The following TACC2 variants were observed in gnomAD, a reference collection of about 807,000 sequenced individuals.
TACC2 encodes the protein transforming acidic coiled-coil containing protein 2.
In TACC2, 137 loss-of-function variants were observed where a neutral mutation model predicts 227.3. The ratio of observed to expected loss-of-function variants is 0.60; its 90% CI spans 0.52 to 0.69. The LOEUF (loss-of-function observed/expected upper bound fraction) is 0.69, where lower values mean the gene tolerates loss of function less well. TACC2 is among the 30% of genes least tolerant of loss of function. TACC2 has a pLI of 0.00. For synonymous variants in TACC2, 1,523 were observed against 1,487.5 expected, an observed-to-expected ratio of 1.02 and a Z score of -0.55; for missense variants, 3,470 against 3,694.4, an observed-to-expected ratio of 0.94 and a Z score of 1.57.
intron 2 of TACC2, among the ~76,000 whole-genome samples, chr10:122,034,151 CAAAA>C (rs137962512): frequency 8.5e-4 from 71 of 83,048 alleles, no homozygotes; most frequent in African/African-American, 2.3e-3. Flanking sequence ...GACTCTGTCT[CAAAA>C]AAAAAAAAAA....
chr10:122,062,528 G>A lies in TACC2; in HGVS notation c.146+11978G>A, dbSNP rs1225943494. 2.7e-5 allele frequency among the ~76,000 whole-genome samples: 4 copies of A among 148,134 alleles called. No individual in the cohort carries two copies. The East Asian group carries it at 8.0e-4, about 30-fold the overall frequency. ...AGGGTTTCTCCATATTGGTCAGGCT[G>A]GTCTCGAACTCCCGACCTTAGGTGA... On this transcript the variant is annotated intron_variant, in intron 3 of 22. Transcript: ENST00000369005.
At chr10:122,250,911 CTTTTTTTTT>C (rs56383359) in intron 22 of TACC2, among the ~76,000 whole-genome samples, 28 of 47,506 alleles carry the variant, frequency 5.9e-4, no homozygotes, top group African/African-American at 2.2e-3. Context: ...TATTTTCATT[CTTTTTTTTT>C]TTTTTTTTTT....
At chr10:122,051,635 A>G (rs2075696974) in intron 3 of TACC2, 1 of 152,264 alleles carries the variant, frequency 6.6e-6, no homozygotes, top group Admixed American at 6.5e-5. Context: ...ACAGGCCTTA[A>G]GGGAAGCAAA....
At chr10:122,013,684 G>A (rs757738185) in intron 1 of TACC2, among the ~76,000 whole-genome samples, 8 of 152,216 alleles carry the variant, frequency 5.3e-5, no homozygotes, top group Non-Finnish European at 8.8e-5. Flanking sequence ...CCGACTGCCC[G>A]AGCCCTCTGT....
chr10:122,130,547 TG>T (rs1258817168), intron 5 of TACC2, among the ~76,000 whole-genome samples: 9 of 152,128 alleles, frequency 5.9e-5, no homozygotes, highest in African/African-American at 2.2e-4. Context: ...CTCCCCAAAG[TG>T]TTGGGATTAC....
chr10:122,241,002 C>T lies in TACC2; in HGVS notation c.8349-956C>T, dbSNP rs143529603. ...GCATGAGATGCTTTGGAAGAAGATG[C>T]GGATAAAAGGTAATAGGGTTCCAAG... On this transcript the variant is annotated intron_variant, in intron 18 of 22. Transcript: ENST00000369005. Among the ~76,000 whole-genome samples the T allele has an allele frequency of 3.6e-4, 54 of 152,092 alleles. 2 individuals carry two copies. Among genetic ancestry groups the T allele is most frequent in the Admixed American group, 2.0e-3 (31 of 15,256 alleles).
At position 122,215,412 on chromosome 10, in the gene TACC2, G is replaced by C; in HGVS notation, c.7305G>C (p.Lys2435Asn). ...CCAGTGACACATTTAGGGTGAAAAA[G>C]TCGCCAAAACGGTCTCCTCTCTCTG... The part of the protein sequence containing the change: ...PLKTDTFRVK[K>N]SPKRSPLSDP... Residue 2435 changes from lysine (K) to asparagine (N), a missense_variant, in exon 10 of 23, where the codon AAG (lysine) becomes AAC (asparagine). Physicochemically the swap from Lys to Asn is moderately conservative, Grantham distance 94 (BLOSUM62 0). Transcript: ENST00000369005. The C allele has an allele frequency of 6.2e-7, 1 of 1,613,964 alleles. No homozygotes were observed. Among genetic ancestry groups the C allele is most frequent in the Non-Finnish European group, 8.5e-7 (1 of 1,179,938 alleles).
In TACC2 at chr10:122,180,353, T is replaced by G. The variant is rs1376736783; in HGVS notation, c.5835-14687T>G. Among the ~76,000 whole-genome samples the G allele has an allele frequency of 9.2e-5, 14 of 151,748 alleles. No homozygotes were observed. Among genetic ancestry groups the G allele is most frequent in the African/African-American group, 3.4e-4 (14 of 41,408 alleles). ...TCCCCCCAGTTCTTTTTTTTTTTTT[T>G]TGGGTTAATAGTCTGGCTTTGTCGC... On this transcript the variant is annotated intron_variant, in intron 7 of 22. Coordinates refer to ENST00000369005, the MANE Select transcript of TACC2 (RefSeq NM_206862.4). The surrounding 1 kb of genome is among the most constrained non-coding windows in gnomAD (Gnocchi z 4.5).
intron 7 of TACC2, among the ~76,000 whole-genome samples, chr10:122,171,955 G>T (rs1487953587): frequency 6.6e-6 from 1 of 152,196 alleles, no homozygotes; most frequent in Non-Finnish European, 1.5e-5. Context: ...CAGTTCCAAG[G>T]AAGGTGGGTG....
At chr10:122,187,380 T>C (rs1003200911) in intron 7 of TACC2, among the ~76,000 whole-genome samples, 11 of 152,232 alleles carry the variant, frequency 7.2e-5, no homozygotes, top group Admixed American at 2.6e-4. Flanking sequence ...CCACAGTTTG[T>C]TCCTGGCCTC....
intron 1 of TACC2, among the ~76,000 whole-genome samples, chr10:122,000,174 G>A (rs1489352634): frequency 1.3e-5 from 2 of 152,210 alleles, no homozygotes; most frequent in South Asian, 2.1e-4. Flanking sequence ...GGCGGATCAC[G>A]AGGTCAGGAG....
intron 2 of TACC2, among the ~76,000 whole-genome samples, chr10:122,033,497 TG>T (rs1959196335): frequency 6.6e-6 from 1 of 152,206 alleles, no homozygotes; most frequent in South Asian, 2.1e-4. Flanking sequence ...TGATTTCCTT[TG>T]TCTGCAAGTG....
intron 1 of TACC2, among the ~76,000 whole-genome samples, chr10:122,018,920 G>A (rs1957008843): frequency 6.6e-6 from 1 of 152,172 alleles, no homozygotes; most frequent in South Asian, 2.1e-4. Context: ...CCTGGTCTCC[G>A]GGAAGCCTTT....
chr10:121,994,289 C>A (rs1953177229), intron 1 of TACC2, among the ~76,000 whole-genome samples: 1 of 152,102 alleles, frequency 6.6e-6, no homozygotes, highest in Non-Finnish European at 1.5e-5. Flanking sequence ...TTGTTTTTTT[C>A]TTCTTTTATG....
intron 5 of TACC2, among the ~76,000 whole-genome samples, chr10:122,110,083 G>T (rs2083405466): frequency 6.6e-6 from 1 of 152,190 alleles, no homozygotes. Context: ...CTCTGCAGAA[G>T]ATAGTTTAGC....
rs753568693 is a variant in TACC2, at chr10:122,238,086, T to C, written c.8348+49T>C. 8.7e-6 allele frequency: 13 copies of C among 1,486,870 alleles called. No homozygotes were observed. In the South Asian group the frequency reaches 1.5e-4, roughly 17 times the overall value. 92.1% of individuals were successfully genotyped at this position (1,486,870 alleles called of 1,614,324 possible). On this transcript the variant is annotated intron_variant, in intron 18 of 22. Transcript: ENST00000369005. ...CTCGTGCCTGAGGGATACTTACCTG[T>C]GGTTTAATAATGACCGGAGCTGGTG...
intron 1 of TACC2, among the ~76,000 whole-genome samples, chr10:121,990,164 G>A (rs1006605677): frequency 1.2e-4 from 18 of 151,800 alleles, no homozygotes; most frequent in African/African-American, 4.4e-4. Flanking sequence ...AGGCTGGAGT[G>A]CAGTGGCATA....
In TACC2 at chr10:122,084,692, T is replaced by A; in HGVS notation, c.2192T>A (p.Val731Asp). The change falls in exon 4 of 23, where the codon GTT becomes GAT. Residue 731 changes from valine (V) to aspartate (D), a missense_variant. Val to Asp is a radical substitution (Grantham distance 152). Coordinates refer to ENST00000369005, the MANE Select transcript of TACC2 (RefSeq NM_206862.4). ...SDFPPTPVAE[V>D]APKAQEGEST... ...TTTCCACCAACTCCTGTTGCAGAGGTTGCACCCAAAGCCCAGGAAGGTGAG... is the reference window on the plus strand; with the variant it reads ...TTTCCACCAACTCCTGTTGCAGAGGATGCACCCAAAGCCCAGGAAGGTGAG... 3 of 1,613,536 alleles carry A rather than the reference T, an allele frequency of 1.9e-6. No homozygotes were observed. Among genetic ancestry groups the A allele is most frequent in the Non-Finnish European group, 2.5e-6 (3 of 1,179,992 alleles).
Position 122,063,226 on chromosome 10 carries a change from C to T in TACC2, c.146+12676C>T, listed in dbSNP as rs556438370. ...TTTTGCACATCGGCCCGGGCCAGCTCTTACAGACAGAGCCCTGTATTTCCC... is the reference window on the plus strand; with the variant it reads ...TTTTGCACATCGGCCCGGGCCAGCTTTTACAGACAGAGCCCTGTATTTCCC... On this transcript the variant is annotated intron_variant, in intron 3 of 22. Coordinates refer to ENST00000369005, the MANE Select transcript of TACC2 (RefSeq NM_206862.4). Among the ~76,000 whole-genome samples the T allele has an allele frequency of 7.9e-5, 12 of 152,364 alleles. 1 individual carries two copies. In the South Asian group the frequency reaches 2.5e-3, roughly 32 times the overall value.
Sources: gnomAD v4.1 joint callset for allele counts (sites outside exome capture counted in the v4.1 genomes callset) on GRCh38, gnomAD v4.1.1 for gene constraint, Gnocchi (gnomAD v3.1) non-coding constraint, MANE v1.5 for transcripts, NCBI Gene and HGNC (gene_info 2026-07-23, HGNC 2026-07-21) for gene names.